Variants in KHDRBS1 observed in about 807,000 individuals in gnomAD.
KHDRBS1 encodes KH domain-containing, RNA-binding, signal transduction-associated protein 1.
KHDRBS1 carries 7 observed loss-of-function variants against 48.4 expected under a neutral mutation model. The observed-to-expected ratio is 0.14, with a 90% CI of 0.08 to 0.27. The LOEUF is 0.27. KHDRBS1 is among the 10% of genes least tolerant of loss of function. The pLI, the probability that KHDRBS1 is intolerant of heterozygous loss-of-function variation, is 1.00. For missense variants in KHDRBS1, 458 were observed against 601.2 expected (o/e 0.76, Z 2.49); for synonymous variants, 241 against 235.8 (o/e 1.02, Z -0.20).
Position 32,013,919 on chromosome 1 carries a change from C to A in KHDRBS1, c.-77C>A. 1 of 1,304,082 alleles carries A rather than the reference C, an allele frequency of 7.7e-7. No individual in the cohort carries two copies. The highest frequency in any genetic ancestry group is 9.8e-7 in the Non-Finnish European group (1 of 1,018,044). The allele number at this position is 1,304,082 out of a possible 1,614,324, so 80.8% of individuals were successfully genotyped here. ...TCGGTCGCTACCGCTCCCGCTCTGC[C>A]ACCCCCGCCAACCGCCGCTCGGGCC... On this transcript the variant is annotated 5_prime_UTR_variant, in exon 1 of 9. Transcript: ENST00000327300.
chr1:32,014,652 C>G (rs1638699447), intron 1 of KHDRBS1, among the ~76,000 whole-genome samples: 1 of 152,240 alleles, frequency 6.6e-6, no homozygotes, highest in Non-Finnish European at 1.5e-5. Context: ...CCTTTCCCGA[C>G]TCTTCCCTCC....
intron 1 of KHDRBS1, among the ~76,000 whole-genome samples, chr1:32,016,941 T>C (rs1039393461): frequency 5.3e-5 from 8 of 152,136 alleles, no homozygotes; most frequent in African/African-American, 1.7e-4. Context: ...CATATTCACC[T>C]TCATTGAAGA....
chr1:32,027,685 T>C (rs1388543855), intron 1 of KHDRBS1, among the ~76,000 whole-genome samples: 2 of 152,234 alleles, frequency 1.3e-5, no homozygotes, highest in African/African-American at 4.8e-5. Flanking sequence ...CATGGTATAG[T>C]ATAGCATCTG....
At chr1:32,055,771 T>C (rs1024301150) in intron 10 of KHDRBS1, among the ~76,000 whole-genome samples, 11 of 152,146 alleles carry the variant, frequency 7.2e-5, no homozygotes, top group African/African-American at 2.4e-4. Context: ...GCCTGATTGC[T>C]GCTCTCGGCT....
chr1:32,022,417 G>C (rs1638877468), intron 1 of KHDRBS1, among the ~76,000 whole-genome samples: 1 of 152,194 alleles, frequency 6.6e-6, no homozygotes, highest in African/African-American at 2.4e-5. Context: ...GTTAACAACA[G>C]GCAAAGGAGG....
At chr1:32,027,034 A>G (rs1638986401) in intron 1 of KHDRBS1, among the ~76,000 whole-genome samples, 1 of 152,202 alleles carries the variant, frequency 6.6e-6, no homozygotes, top group Non-Finnish European at 1.5e-5. Flanking sequence ...ACCTCAGGTG[A>G]TCCGCCCACC....
At position 32,014,307 on chromosome 1, in the gene KHDRBS1, G is replaced by T. The variant is rs747681097; in HGVS notation, c.312G>T (p.Leu104=). ...AGATGGAGCCAGAGAACAAGTACCT[G>T]CCCGAACTCATGGCCGAGAAGGACT... ...SVKMEPENKY[L]PELMAEKDSL... The change falls in exon 1 of 9, where the codon CTG becomes CTT. Residue 104 remains leucine (L), a synonymous_variant. Transcript: ENST00000327300. 3.2e-6 allele frequency: 5 copies of T among 1,559,160 alleles called. No individual in the cohort carries two copies. The highest frequency in any genetic ancestry group is 1.4e-5 in the African/African-American group (1 of 72,624).
At chr1:32,031,334 G>A (rs919335896) in intron 2 of KHDRBS1, among the ~76,000 whole-genome samples, 190 bp from the exon 3 acceptor site, 1 of 152,146 alleles carries the variant, frequency 6.6e-6, no homozygotes, top group Non-Finnish European at 1.5e-5. Flanking sequence ...TTCAGGTCTA[G>A]GAACTGCCAC....
At chr1:32,058,607 G>C (rs1017840226) in intron 10 of KHDRBS1, among the ~76,000 whole-genome samples, 2 of 152,088 alleles carry the variant, frequency 1.3e-5, no homozygotes, top group African/African-American at 4.8e-5. Context: ...AATGGTTATG[G>C]GGCCCTGTTA....
chr1:32,013,973 C>A lies in KHDRBS1; in HGVS notation c.-23C>A. The A allele has an allele frequency of 1.4e-6, 2 of 1,471,086 alleles. No individual in the cohort carries two copies. Among genetic ancestry groups the A allele is most frequent in the East Asian group, 2.8e-5 (1 of 35,474 alleles). 91.1% of individuals were successfully genotyped at this position (1,471,086 alleles called of 1,614,324 possible). On this transcript the variant is annotated 5_prime_UTR_variant, in exon 1 of 9. Transcript: ENST00000327300. The stretch of plus-strand genomic sequence containing the variant: ...GTCGCTGCCGCGTCGCTTTCTCGCT[C>A]CTTGGATCGCACATCCTCCCAGATG...
At chr1:32,049,086 G>C (rs1191868855) in intron 10 of KHDRBS1, among the ~76,000 whole-genome samples, 1 of 149,716 alleles carries the variant, frequency 6.7e-6, no homozygotes, top group Admixed American at 6.7e-5. Context: ...ACGGGGTGTT[G>C]CTCTGTCGCT....
chr1:32,019,794 T>C (rs1359418402), intron 1 of KHDRBS1, among the ~76,000 whole-genome samples: 3 of 152,112 alleles, frequency 2.0e-5, no homozygotes, highest in African/African-American at 7.2e-5. Flanking sequence ...TGTTTTGAGA[T>C]TGAGTCTCGC....
chr1:32,021,843 G>T (rs967643876), intron 1 of KHDRBS1, among the ~76,000 whole-genome samples: 2 of 151,938 alleles, frequency 1.3e-5, no homozygotes, highest in South Asian at 4.1e-4. Context: ...TAGAGACAAG[G>T]TTTCACTGTG....
chr1:32,057,571 C>T (rs1031769423), intron 10 of KHDRBS1, among the ~76,000 whole-genome samples: 2 of 149,668 alleles, frequency 1.3e-5, no homozygotes, highest in Non-Finnish European at 1.5e-5. Flanking sequence ...GAGGCTGAGG[C>T]GGGCGGATCA....
chr1:32,031,687 T>C (rs754859442), intron 3 of KHDRBS1, 47 bp downstream of exon 3: 1 of 1,201,936 alleles, frequency 8.3e-7, no homozygotes, highest in South Asian at 1.3e-5. Context: ...TGCCTTCTAC[T>C]TGCCCAGAAT....
At chr1:32,015,359 T>C (rs1381938011) in intron 1 of KHDRBS1, among the ~76,000 whole-genome samples, 1 of 152,240 alleles carries the variant, frequency 6.6e-6, no homozygotes, top group African/African-American at 2.4e-5. Flanking sequence ...ATATTTTTTA[T>C]GATACCTAAA....
intron 4 of KHDRBS1, among the ~76,000 whole-genome samples, chr1:32,036,006 A>G (rs944872806): frequency 6.6e-6 from 1 of 152,122 alleles, no homozygotes; most frequent in South Asian, 2.1e-4. Flanking sequence ...TGTTGATCCA[A>G]CACCTAGATT....
At chr1:32,048,471 CTG>C (rs987834793), downstream of KHDRBS1, among the ~76,000 whole-genome samples, 2 of 152,182 alleles carry the variant, frequency 1.3e-5, no homozygotes, top group Admixed American at 6.5e-5. Context: ...GATCACAACA[CTG>C]TACTCCAGCC....
chr1:32,036,163 A>AC (rs1337266070), intron 4 of KHDRBS1, among the ~76,000 whole-genome samples: 1 of 60,472 alleles, frequency 1.7e-5, no homozygotes, highest in Non-Finnish European at 2.8e-5. Flanking sequence ...CATTTTGAAG[A>AC]TTTTTTTTTT....
Sources: gnomAD v4.1 joint callset for allele counts (sites outside exome capture counted in the v4.1 genomes callset) on GRCh38, gnomAD v4.1.1 for gene constraint, MANE v1.5 for transcripts, NCBI Gene and HGNC (gene_info 2026-07-23, HGNC 2026-07-21) for gene names.